NAALADL2: variants seen among roughly 807,000 people sequenced by gnomAD.
The protein encoded by NAALADL2 is N-acetylated alpha-linked acidic dipeptidase like 2, also known as inactive N-acetylated-alpha-linked acidic dipeptidase-like protein 2.
In NAALADL2, 76 loss-of-function variants were observed where a neutral mutation model predicts 87.2. That is an observed-to-expected ratio of 0.87 (90% CI 0.72 to 1.05). The LOEUF (loss-of-function observed/expected upper bound fraction) is 1.05. Among genes scored for constraint, NAALADL2 ranks in the 50% least tolerant of loss-of-function variants. NAALADL2 has a pLI of 0.00. For synonymous variants in NAALADL2, 354 were observed against 331.0 expected (o/e 1.07, Z -0.75); for missense variants, 1,089 against 945.8 (o/e 1.15, Z -1.99).
intron 2 of NAALADL2, among the ~76,000 whole-genome samples, chr3:174,585,663 T>C (rs546393409): frequency 1.4e-5 from 2 of 141,848 alleles, no homozygotes; most frequent in Middle Eastern, 7.0e-3. Flanking sequence ...GTTTTTTTTG[T>C]TTTTTTTTTA....
intron 2 of NAALADL2, among the ~76,000 whole-genome samples, chr3:175,194,515 CAT>C (rs1293984884): frequency 6.6e-6 from 1 of 151,768 alleles, no homozygotes; most frequent in Non-Finnish European, 1.5e-5. Context: ...TATATGGAAA[CAT>C]AGATATAATG....
intron 2 of NAALADL2, among the ~76,000 whole-genome samples, chr3:174,727,558 T>C (rs1041599214): frequency 2.0e-5 from 3 of 152,114 alleles, no homozygotes; most frequent in African/African-American, 7.2e-5. Context: ...TAAAAAAAAT[T>C]AATACTTTAT....
chr3:175,030,310 A>G (rs192078398), intron 1 of NAALADL2, among the ~76,000 whole-genome samples: 68 of 152,224 alleles, frequency 4.5e-4, no homozygotes, highest in African/African-American at 1.6e-3. Context: ...TTCTGTGTAC[A>G]AGTTGCTTAT....
At chr3:175,648,980 G>A (rs1730393037) in intron 11 of NAALADL2, among the ~76,000 whole-genome samples, 1 of 152,270 alleles carries the variant, frequency 6.6e-6, no homozygotes, top group African/African-American at 2.4e-5. Flanking sequence ...GAATATATCT[G>A]TCCTGCCAAA....
At chr3:175,741,251 C>T (rs1397667678) in intron 12 of NAALADL2, among the ~76,000 whole-genome samples, 2 of 152,110 alleles carry the variant, frequency 1.3e-5, no homozygotes, top group South Asian at 2.1e-4. Flanking sequence ...GTTCACTTCC[C>T]GGTTCAAAGA....
At chr3:175,020,132 G>A (rs1316053006) in intron 1 of NAALADL2, among the ~76,000 whole-genome samples, 1 of 152,012 alleles carries the variant, frequency 6.6e-6, no homozygotes, top group African/African-American at 2.4e-5. Flanking sequence ...AGTGTTCAGG[G>A]ACCTCTTTCT....
Position 175,343,655 on chromosome 3 carries a change from G to GTTTTTTTTT in NAALADL2, c.1090+19343_1090+19351dup, listed in dbSNP as rs113806607. Among the ~76,000 whole-genome samples, 10 of 64,708 alleles carry GTTTTTTTTT rather than the reference G, an allele frequency of 1.5e-4. 1 individual carries two copies. The highest frequency in any genetic ancestry group is 2.3e-4 in the African/African-American group (5 of 21,850). The allele number at this position is 64,708 out of a possible 152,430, so 42.5% of individuals were successfully genotyped here. Reference sequence around the variant, plus strand: ...TGGAGTTCCTGTGTGTCTTGATCATGTTTTTTTTTTTTTTTTTTTTTCCCT... The same window carrying GTTTTTTTTT: ...TGGAGTTCCTGTGTGTCTTGATCATGTTTTTTTTTTTTTTTTTTTTTTTTTTTTTTCCCT... On this transcript the variant is annotated intron_variant, in intron 5 of 13. Transcript: ENST00000454872.
At chr3:174,619,409 T>G (rs1009295248) in intron 2 of NAALADL2, among the ~76,000 whole-genome samples, 1 of 151,922 alleles carries the variant, frequency 6.6e-6, no homozygotes, top group Non-Finnish European at 1.5e-5. Context: ...CATGCTGAGA[T>G]CCTCTATGCC....
At chr3:175,212,303 A>G (rs1741872946) in intron 2 of NAALADL2, among the ~76,000 whole-genome samples, 1 of 151,834 alleles carries the variant, frequency 6.6e-6, no homozygotes, top group Admixed American at 6.6e-5. Flanking sequence ...TCACATTACT[A>G]TATAAGAGTT....
At chr3:175,173,018 C>T (rs189786625) in intron 2 of NAALADL2, among the ~76,000 whole-genome samples, 5 of 151,978 alleles carry the variant, frequency 3.3e-5, no homozygotes, top group African/African-American at 1.2e-4. Context: ...AAGCCAGGTG[C>T]GGTGGCTCAC....
At chr3:175,561,101 A>T (rs1333256080) in intron 9 of NAALADL2, among the ~76,000 whole-genome samples, 1 of 152,220 alleles carries the variant, frequency 6.6e-6, no homozygotes, top group Admixed American at 6.5e-5. Context: ...TTATAAATTT[A>T]TAGCAAGTTT....
At chr3:174,444,485 GA>G (rs1262903714) in intron 1 of NAALADL2, among the ~76,000 whole-genome samples, 5 of 152,162 alleles carry the variant, frequency 3.3e-5, no homozygotes, top group Admixed American at 3.3e-4. Context: ...ACAGAAGGGG[GA>G]TTTCTGCCTT....
chr3:174,720,662 A>G (rs1385491789), intron 2 of NAALADL2, among the ~76,000 whole-genome samples: 2 of 152,190 alleles, frequency 1.3e-5, no homozygotes, highest in Non-Finnish European at 2.9e-5. Context: ...AAAAAAAATT[A>G]TCGTTACAAA....
chr3:174,968,959 C>A (rs1269607975), intron 1 of NAALADL2, among the ~76,000 whole-genome samples: 4 of 152,124 alleles, frequency 2.6e-5, no homozygotes, highest in Non-Finnish European at 5.9e-5. Flanking sequence ...TCCGTATCAT[C>A]TAAAATAATC....
At chr3:174,907,068 ATC>A (rs1733069543) in intron 1 of NAALADL2, among the ~76,000 whole-genome samples, 1 of 152,084 alleles carries the variant, frequency 6.6e-6, no homozygotes, top group African/African-American at 2.4e-5. Flanking sequence ...CCCCTAGACC[ATC>A]TTTGTCATTT....
Position 175,618,863 on chromosome 3 carries a change from C to T in NAALADL2, c.1801-8428C>T, listed in dbSNP as rs116507769. 6.6e-3 allele frequency among the ~76,000 whole-genome samples: 1,000 copies of T among 152,208 alleles called. 8 individuals carry two copies. The highest frequency in any genetic ancestry group is 0.023 in the African/African-American group (952 of 41,512). ...TCCGCTGTTGGTAACCTTTGGGTTCCGTATACCTCATCTATACCATGGATG... is the reference window on the plus strand; with the variant it reads ...TCCGCTGTTGGTAACCTTTGGGTTCTGTATACCTCATCTATACCATGGATG... On this transcript the variant is annotated intron_variant, in intron 10 of 13. Transcript: ENST00000454872.
At chr3:175,275,305 A>G (rs1042687751) in intron 4 of NAALADL2, among the ~76,000 whole-genome samples, 1 of 152,208 alleles carries the variant, frequency 6.6e-6, no homozygotes, top group African/African-American at 2.4e-5. Context: ...ATATATTCAT[A>G]TAGAATAAGT....
intron 13 of NAALADL2, among the ~76,000 whole-genome samples, chr3:175,779,284 C>T (rs1247052247): frequency 1.3e-5 from 2 of 151,884 alleles, no homozygotes; most frequent in Admixed American, 6.6e-5. Flanking sequence ...CTCTAAATAA[C>T]AAATAGGCCA....
At chr3:175,264,956 A>G (rs1418223386) in intron 4 of NAALADL2, among the ~76,000 whole-genome samples, 1 of 151,828 alleles carries the variant, frequency 6.6e-6, no homozygotes, top group African/African-American at 2.4e-5. Context: ...AATAGCCTAC[A>G]TCATAAAGTT....
Sources: allele counts gnomAD v4.1 joint callset (sites outside exome capture counted in the v4.1 genomes callset), GRCh38; gene constraint gnomAD v4.1.1; transcripts MANE v1.5; gene names NCBI Gene and HGNC (gene_info 2026-07-23, HGNC 2026-07-21).